CRACD: variants seen among roughly 807,000 people sequenced by gnomAD.
CRACD encodes the protein capping protein-inhibiting regulator of actin dynamics.
In CRACD, 56 loss-of-function variants were observed where a neutral mutation model predicts 106.8. The ratio of observed to expected loss-of-function variants is 0.52; its 90% CI spans 0.42 to 0.66. The LOEUF (loss-of-function observed/expected upper bound fraction) is 0.66. CRACD is among the 30% of genes least tolerant of loss of function. The probability of loss-of-function intolerance (pLI) is 0.00; values close to 1 mark genes in which losing one functional copy is unlikely to be tolerated. For missense variants in CRACD, 1,730 were observed against 1,623.2 expected (o/e 1.07, Z -1.13); for synonymous variants, 754 against 670.8 (o/e 1.12, Z -1.92).
chr4:56,252,616 A>G (rs1316470202), intron 2 of CRACD, among the ~76,000 whole-genome samples: 1 of 152,232 alleles, frequency 6.6e-6, no homozygotes, highest in Non-Finnish European at 1.5e-5. Context: ...GTAGCATTGA[A>G]TAGCACTGGT....
chr4:56,089,845 C>T (rs968596324), intron 1 of CRACD, among the ~76,000 whole-genome samples: 5 of 152,006 alleles, frequency 3.3e-5, no homozygotes, highest in African/African-American at 9.7e-5. Context: ...ACTAGGTTCC[C>T]GACTGAATTG....
chr4:56,183,235 AAAAATAAAATAAAATAAAATAAAAT>A (rs201101283), intron 2 of CRACD, among the ~76,000 whole-genome samples: 2,862 of 124,426 alleles, frequency 0.023, 53 homozygotes, highest in African/African-American at 0.028. Flanking sequence ...CTCCGTCTCA[AAAAATAAAATAAAATAAAATAAAAT>A]AAAATAAAAT....
At position 56,243,104 on chromosome 4, in the gene CRACD, G is replaced by C. The variant is rs186060540; in HGVS notation, c.-188-29217G>C. On this transcript the variant is annotated intron_variant, in intron 2 of 10. Transcript: ENST00000682029. ...TTTTGGCAAAGAACATGGATGACTG[G>C]GTAGAGTCTGCCTCTTCCAGATTCC... 1.5e-3 allele frequency among the ~76,000 whole-genome samples: 223 copies of C among 152,246 alleles called. 1 individual carries two copies. Among genetic ancestry groups the C allele is most frequent in the African/African-American group, 5.1e-3 (210 of 41,556 alleles).
intron 1 of CRACD, among the ~76,000 whole-genome samples, chr4:56,139,600 GA>G (rs1334519992): frequency 6.6e-6 from 1 of 152,230 alleles, no homozygotes; most frequent in Non-Finnish European, 1.5e-5. Context: ...CATGGCATCT[GA>G]ATCTGTAGCC....
chr4:56,284,462 C>T (rs1042507740), intron 3 of CRACD, among the ~76,000 whole-genome samples: 3 of 151,944 alleles, frequency 2.0e-5, no homozygotes, highest in Non-Finnish European at 4.4e-5. Context: ...TGGTGGCTCA[C>T]GCCTGTAATC....
chr4:56,184,157 G>A (rs893620737), intron 2 of CRACD, among the ~76,000 whole-genome samples: 2 of 152,046 alleles, frequency 1.3e-5, no homozygotes, highest in East Asian at 1.9e-4. Context: ...GGCAACCCCC[G>A]CCTCCCAGGT....
rs1435779935 is a variant in CRACD at position 56,329,631 on chromosome 4, C to T, written c.*1827C>T. Among the ~76,000 whole-genome samples, 6 of 152,268 alleles carry T rather than the reference C, an allele frequency of 3.9e-5. No individual in the cohort carries two copies. The highest frequency in any genetic ancestry group is 2.1e-4 in the South Asian group (1 of 4,822). On this transcript the variant is annotated 3_prime_UTR_variant, in exon 11 of 11. Transcript: ENST00000682029. ...GGCAAGCAATTAGTATTTCACTGCA[C>T]GTCTTCCATACTAATGTTCATTTCT... is the stretch of plus-strand genomic sequence containing the variant.
At chr4:56,243,425 AAG>A in intron 2 of CRACD, among the ~76,000 whole-genome samples, 1 of 152,334 alleles carries the variant, frequency 6.6e-6, no homozygotes, top group Admixed American at 6.5e-5. Flanking sequence ...GGAATGTTAG[AAG>A]AGAGAGAAAT....
In CRACD at chr4:56,316,565, C is replaced by T. The variant is rs751419269; in HGVS notation, c.3063C>T (p.Pro1021=). The T allele has an allele frequency of 2.5e-6, 4 of 1,612,928 alleles. No individual in the cohort carries two copies. Among genetic ancestry groups the T allele is most frequent in the Non-Finnish European group, 3.4e-6 (4 of 1,179,598 alleles). The change falls in exon 8 of 11, where the codon CCC becomes CCT. Residue 1021 remains proline, a synonymous_variant. Coordinates refer to ENST00000682029, the MANE Select transcript of CRACD (RefSeq NM_001393381.1). ...SDRRPPSPPG[P]EERKGQKRDE... is the part of the protein sequence containing the mutation. ...GCCGGCCACCCTCGCCCCCAGGCCCCGAGGAAAGGAAGGGACAGAAGAGGG... is the reference window on the plus strand; with the variant it reads ...GCCGGCCACCCTCGCCCCCAGGCCCTGAGGAAAGGAAGGGACAGAAGAGGG...
At chr4:56,147,512 TG>T (rs1735430457) in intron 1 of CRACD, among the ~76,000 whole-genome samples, 1 of 152,212 alleles carries the variant, frequency 6.6e-6, no homozygotes, top group Non-Finnish European at 1.5e-5. Flanking sequence ...TTTATATAAA[TG>T]GGATCATATA....
At chr4:56,277,585 A>G (rs1025146387) in intron 3 of CRACD, among the ~76,000 whole-genome samples, 41 of 152,324 alleles carry the variant, frequency 2.7e-4, no homozygotes, top group Non-Finnish European at 3.4e-4. Flanking sequence ...AAGATCAGGA[A>G]CAAAACAAGG....
chr4:56,192,667 A>G (rs1737430985), intron 2 of CRACD, among the ~76,000 whole-genome samples: 2 of 152,196 alleles, frequency 1.3e-5, no homozygotes, highest in East Asian at 1.9e-4. Flanking sequence ...TGTTTTAAAA[A>G]TAAGCTTTGG....
At chr4:56,178,513 G>T (rs999925949) in intron 1 of CRACD, among the ~76,000 whole-genome samples, 7 of 152,142 alleles carry the variant, frequency 4.6e-5, no homozygotes, top group Non-Finnish European at 8.8e-5. Flanking sequence ...CTTTTGTCCA[G>T]CTGTTCTAGT....
At chr4:56,096,749 G>A (rs1733612642) in intron 1 of CRACD, among the ~76,000 whole-genome samples, 2 of 152,162 alleles carry the variant, frequency 1.3e-5, no homozygotes, top group African/African-American at 4.8e-5. Context: ...ACTGGTGACA[G>A]TGACAAGAGC....
intron 3 of CRACD, among the ~76,000 whole-genome samples, chr4:56,294,593 G>A (rs1743880661): frequency 1.3e-5 from 2 of 152,118 alleles, no homozygotes; most frequent in Admixed American, 6.6e-5. Context: ...AATCTCAATA[G>A]TATATTCATG....
intron 1 of CRACD, chr4:56,170,349 T>A (rs1009366526): frequency 1.3e-5 from 2 of 152,326 alleles, no homozygotes; most frequent in African/African-American, 4.8e-5. Flanking sequence ...AGTGGCAATG[T>A]TAAGTGGAAG....
chr4:56,104,602 G>C (rs35623860), intron 1 of CRACD, among the ~76,000 whole-genome samples: 18,559 of 152,150 alleles, frequency 0.12, 1,190 homozygotes, highest in East Asian at 0.19. Flanking sequence ...GGAACTGCAC[G>C]TTCCCAGTGG....
At chr4:56,294,957 A>AAAAG (rs535460191) in intron 3 of CRACD, among the ~76,000 whole-genome samples, 5 of 150,924 alleles carry the variant, frequency 3.3e-5, no homozygotes, top group African/African-American at 4.8e-5. Flanking sequence ...AAAAGAAAAG[A>AAAAG]AAAGAAAGAA....
chr4:56,226,351 G>A (rs1456895958), intron 2 of CRACD, among the ~76,000 whole-genome samples: 1 of 152,120 alleles, frequency 6.6e-6, no homozygotes, highest in Non-Finnish European at 1.5e-5. Context: ...TTCAGTCCTG[G>A]TATATTGCGC....
Sources: allele counts gnomAD v4.1 joint callset (sites outside exome capture counted in the v4.1 genomes callset), GRCh38; gene constraint gnomAD v4.1.1; transcripts MANE v1.5; gene names NCBI Gene and HGNC (gene_info 2026-07-23, HGNC 2026-07-21).